The following SPATA22 variants were observed in gnomAD, a reference collection of about 807,000 sequenced individuals.
The protein encoded by SPATA22 is spermatogenesis-associated protein 22.
SPATA22 carries 29 observed loss-of-function variants against 47.8 expected under a neutral mutation model. That is an observed-to-expected ratio of 0.61 (90% CI 0.45 to 0.83). SPATA22 has a LOEUF of 0.83. SPATA22 is among the 40% of genes least tolerant of loss of function. The pLI is 0.00. For synonymous variants in SPATA22, 133 were observed against 140.9 expected (o/e 0.94, Z 0.40); for missense variants, 410 against 421.7 (o/e 0.97, Z 0.24).
At chr17:3,450,791 G>A (rs1348588647) in intron 5 of SPATA22, among the ~76,000 whole-genome samples, 4 of 152,090 alleles carry the variant, frequency 2.6e-5, no homozygotes, top group African/African-American at 4.8e-5. Context: ...AAAGATCACT[G>A]ATCACAGATC....
chr17:3,454,803 G>A (rs2072947603), intron 5 of SPATA22, among the ~76,000 whole-genome samples: 1 of 152,048 alleles, frequency 6.6e-6, no homozygotes, highest in Non-Finnish European at 1.5e-5. Context: ...ATAGTCCTTT[G>A]GGTATATACC....
At chr17:3,462,666 G>T in intron 4 of SPATA22, 41 bp downstream of exon 4, 1 of 1,577,792 alleles carries the variant, frequency 6.3e-7, no homozygotes, top group Non-Finnish European at 8.7e-7. Flanking sequence ...ACATCAGTTA[G>T]TAACAGACAC....
chr17:3,457,880 C>A (rs998476127), intron 5 of SPATA22, among the ~76,000 whole-genome samples: 1 of 152,096 alleles, frequency 6.6e-6, no homozygotes, highest in Non-Finnish European at 1.5e-5. Flanking sequence ...TAGGAAAAAA[C>A]GCAGAGAACA....
At chr17:3,504,669 C>T (rs1348354299) in intron 1 of SPATA22, among the ~76,000 whole-genome samples, 3 of 151,932 alleles carry the variant, frequency 2.0e-5, no homozygotes, top group South Asian at 2.1e-4. Flanking sequence ...GCGATTCTGC[C>T]GCCTCAGCCT....
intron 1 of SPATA22, among the ~76,000 whole-genome samples, chr17:3,504,635 G>A (rs962202290): frequency 6.0e-5 from 9 of 149,090 alleles, no homozygotes; most frequent in South Asian, 2.1e-4. Flanking sequence ...TCGGCTCACC[G>A]CAACCTCTGC....
chr17:3,512,914 T>A (rs1331369699), intron 1 of SPATA22: 2 of 152,244 alleles, frequency 1.3e-5, no homozygotes, highest in Non-Finnish European at 2.9e-5. Context: ...AGTTCCAAGA[T>A]GATATCGATC....
intron 5 of SPATA22, among the ~76,000 whole-genome samples, chr17:3,453,974 C>A (rs897190348): frequency 6.6e-6 from 1 of 151,730 alleles, no homozygotes; most frequent in Non-Finnish European, 1.5e-5. Context: ...ATGTAGAAAA[C>A]CCTAAAAACT....
intron 5 of SPATA22, among the ~76,000 whole-genome samples, chr17:3,460,166 C>A (rs917120584): frequency 6.6e-6 from 1 of 152,074 alleles, no homozygotes; most frequent in African/African-American, 2.4e-5. Flanking sequence ...TATATAAATA[C>A]ATCAGAACTG....
At position 3,499,115 on chromosome 17, in the gene SPATA22, C is replaced by T. The variant is rs151133430; in HGVS notation, c.-74+14297G>A. On this transcript the variant is annotated intron_variant, in intron 1 of 8. Coordinates refer to the SPATA22 transcript ENST00000541913. ...AATCACTTCCAGCTTACATCTTACACGGTGTCTTACAAATTCTGCTAGTCT... is the reference window on the plus strand; with the variant it reads ...AATCACTTCCAGCTTACATCTTACATGGTGTCTTACAAATTCTGCTAGTCT... The T allele has an allele frequency of 7.7e-4, 1,230 of 1,603,394 alleles. 11 individuals carry two copies. In the African/African-American group the frequency reaches 0.015, roughly 19 times the overall value.
intron 1 of SPATA22, among the ~76,000 whole-genome samples, chr17:3,510,305 G>A (rs1011095212): frequency 4.6e-5 from 7 of 152,146 alleles, no homozygotes; most frequent in African/African-American, 1.7e-4. Context: ...TACCTGATGT[G>A]AATGCGCTTT....
intron 1 of SPATA22, chr17:3,499,873 A>C (rs1038725479): frequency 2.6e-5 from 4 of 152,256 alleles, no homozygotes; most frequent in African/African-American, 9.6e-5. Flanking sequence ...TAAGGAAGGC[A>C]TGTCAAAAGC....
chr17:3,513,206 T>G (rs914609500), intron 1 of SPATA22: 2 of 152,680 alleles, frequency 1.3e-5, no homozygotes, highest in African/African-American at 2.4e-5. Context: ...GTAGTAATTT[T>G]CATTCTCAAC....
upstream of SPATA22, chr17:3,476,228 TGA>T: frequency 6.2e-7 from 1 of 1,614,170 alleles, no homozygotes; most frequent in Non-Finnish European, 8.5e-7. Flanking sequence ...CCCATGGGAA[TGA>T]GCTAACCGGA....
chr17:3,454,799 C>T (rs148928609), intron 5 of SPATA22, among the ~76,000 whole-genome samples: 1 of 151,734 alleles, frequency 6.6e-6, no homozygotes, highest in Non-Finnish European at 1.5e-5. Flanking sequence ...ATTTATAGTC[C>T]TTTGGGTATA....
chr17:3,468,352 G>T (rs949688093), intron 2 of SPATA22: 4 of 152,196 alleles, frequency 2.6e-5, no homozygotes, highest in African/African-American at 4.8e-5. Flanking sequence ...AATCTAGATA[G>T]GACACAAGAT....
intron 1 of SPATA22, among the ~76,000 whole-genome samples, chr17:3,498,709 T>G (rs1458085990): frequency 2.0e-5 from 3 of 152,206 alleles, no homozygotes; most frequent in Non-Finnish European, 4.4e-5. Context: ...TTAAAACTAC[T>G]GCCAAAATTC....
rs200436007 is a variant in SPATA22, at chr17:3,440,335, G to A, written c.904C>T (p.Arg302Cys). 47 of 1,484,256 alleles carry A rather than the reference G, an allele frequency of 3.2e-5. No homozygotes were observed. Among genetic ancestry groups the A allele is most frequent in the East Asian group, 1.7e-4 (7 of 40,170 alleles). The allele number at this position is 1,484,256 out of a possible 1,614,324, so 91.9% of individuals were successfully genotyped here. A position where few individuals can be genotyped will look rare whatever the true frequency, so the allele number is the denominator to read the frequency against. ...CCTCTAATCAGTCTCGGAAGTTCAC[G>A]ATCCTGTTTTTCAAAAAATAAGTAT... ...TLPCVFYEID[R>C]ELPRLIRGRV... Residue 302 changes from arginine (R) to cysteine (C), a missense_variant, in exon 9 of 9, where the codon CGT becomes TGT. Transcript: ENST00000572969.
At chr17:3,463,228 G>A (rs2150723929) in intron 3 of SPATA22, among the ~76,000 whole-genome samples, 1 of 152,276 alleles carries the variant, frequency 6.6e-6, no homozygotes, top group East Asian at 1.9e-4. Flanking sequence ...ACACAGTCAT[G>A]TGTCACTTAA....
At chr17:3,486,230 G>A (rs971827834) in intron 1 of SPATA22, among the ~76,000 whole-genome samples, 5 of 152,164 alleles carry the variant, frequency 3.3e-5, no homozygotes, top group South Asian at 2.1e-4. Flanking sequence ...CACCGCACCC[G>A]GCTGTGAACC....
Sources: allele counts gnomAD v4.1 joint callset (sites outside exome capture counted in the v4.1 genomes callset), GRCh38; gene constraint gnomAD v4.1.1; transcripts MANE v1.5; gene names NCBI Gene and HGNC (gene_info 2026-07-23, HGNC 2026-07-21).